PSAP: variants seen among roughly 807,000 people sequenced by gnomAD.
PSAP encodes prosaposin, also known as precursor of saposins.
Under a neutral mutation model 66.0 loss-of-function variants are expected in PSAP, and 25 were observed. That is an observed-to-expected ratio of 0.38 (90% CI 0.28 to 0.53). PSAP has a LOEUF of 0.53. Ranked by LOEUF, PSAP falls within the 20% of genes least tolerant of loss-of-function variation. The probability of loss-of-function intolerance (pLI) is 0.83; values close to 1 mark genes in which losing one functional copy is unlikely to be tolerated. For missense variants in PSAP, 649 were observed against 668.8 expected, an observed-to-expected ratio of 0.97 and a Z score of 0.33; for synonymous variants, 273 against 258.9, an observed-to-expected ratio of 1.05 and a Z score of -0.52.
At chr10:71,835,443 G>A (rs931065067) in intron 1 of PSAP, among the ~76,000 whole-genome samples, 3 of 151,790 alleles carry the variant, frequency 2.0e-5, no homozygotes, top group African/African-American at 4.8e-5. Context: ...ATGGTAGCAC[G>A]CACCTGTGAT....
rs778478309 is a variant in PSAP, at chr10:71,834,484, C to A, written c.62G>T (p.Gly21Val). ...CGAGCCCCTGGTGCATTCTTTCAGT[C>A]CAAGGACCGGGCCGGCTAGAGCTAA... ...LGAALAGPVL[G>V]LKECTRGSAV... Residue 21 changes from glycine (G) to valine (V), a missense_variant, in exon 2 of 14, where the codon GGA becomes GTA. Transcript: ENST00000394936. 4 of 1,613,948 alleles carry A rather than the reference C, an allele frequency of 2.5e-6. No individual in the cohort carries two copies. In the Admixed American group the frequency reaches 5.0e-5, roughly 20 times the overall value.
chr10:71,819,364 G>A (rs1165450259), intron 11 of PSAP, 101 bp downstream of exon 11: 7 of 1,528,280 alleles, frequency 4.6e-6, no homozygotes, highest in Non-Finnish European at 6.3e-6. Context: ...TCCATGCCCG[G>A]AGGCAGAAAC....
At chr10:71,819,213 T>G in intron 11 of PSAP, 102 bp from the exon 12 acceptor site, 1 of 1,147,612 alleles carries the variant, frequency 8.7e-7, no homozygotes, top group South Asian at 1.3e-5. Context: ...CCCTGAGAGC[T>G]CCTGGCATTC....
At chr10:71,838,602 G>A (rs1004742296) in intron 1 of PSAP, among the ~76,000 whole-genome samples, 3 of 152,076 alleles carry the variant, frequency 2.0e-5, no homozygotes, top group Admixed American at 6.5e-5. Context: ...AAAAGAGAAC[G>A]GATTAGCTGG....
chr10:71,833,091 C>A (rs545621262), intron 2 of PSAP, among the ~76,000 whole-genome samples: 3 of 150,076 alleles, frequency 2.0e-5, no homozygotes, highest in Non-Finnish European at 4.4e-5. Flanking sequence ...TTTTAAAGTC[C>A]TTACGGGACA....
At chr10:71,817,972 G>T (rs1842209630) in intron 13 of PSAP, among the ~76,000 whole-genome samples, 1 of 152,268 alleles carries the variant, frequency 6.6e-6, no homozygotes, top group Admixed American at 6.5e-5. Context: ...CCAGAATGGG[G>T]GCCCCCTGCC....
At chr10:71,835,793 A>G (rs1235136815) in intron 1 of PSAP, among the ~76,000 whole-genome samples, 1 of 148,244 alleles carries the variant, frequency 6.7e-6, no homozygotes, top group Admixed American at 6.8e-5. Flanking sequence ...CTTTTGCTGC[A>G]ATAGATACTT....
chr10:71,838,647 C>G (rs1013002333), intron 1 of PSAP, among the ~76,000 whole-genome samples: 2 of 152,062 alleles, frequency 1.3e-5, no homozygotes, highest in African/African-American at 4.8e-5. Context: ...TCCCAGCTAC[C>G]AAGGAGGCTG....
At chr10:71,827,824 C>T (rs1842424520) in intron 6 of PSAP, among the ~76,000 whole-genome samples, 190 bp downstream of exon 6, 1 of 152,128 alleles carries the variant, frequency 6.6e-6, no homozygotes, top group African/African-American at 2.4e-5. Flanking sequence ...GAAACAGTCT[C>T]CTACTTTTTG....
chr10:71,848,013 A>G (rs1230500815), intron 1 of PSAP, among the ~76,000 whole-genome samples: 3 of 152,220 alleles, frequency 2.0e-5, no homozygotes, highest in African/African-American at 4.8e-5. Flanking sequence ...AGCACCTGCC[A>G]CATCCCAGGC....
intron 1 of PSAP, among the ~76,000 whole-genome samples, chr10:71,842,317 T>C (rs1019803201): frequency 6.6e-6 from 1 of 152,220 alleles, no homozygotes; most frequent in Non-Finnish European, 1.5e-5. Flanking sequence ...AACAGGCTGC[T>C]CACTAAATAT....
In PSAP at chr10:71,817,646, C is replaced by CTTAAAAAAAAAAAAA. The variant is rs1248786076; in HGVS notation, c.1540-171_1540-170insTTTTTTTTTTTTTAA. Among the ~76,000 whole-genome samples, 3 of 152,342 alleles carry CTTAAAAAAAAAAAAA rather than the reference C, an allele frequency of 2.0e-5. No individual in the cohort carries two copies. In the South Asian group the frequency reaches 6.2e-4, roughly 32 times the overall value. On this transcript the variant is annotated intron_variant, in intron 13 of 13. Coordinates refer to ENST00000394936, the MANE Select transcript of PSAP (RefSeq NM_002778.4). ...CAGGATCTCACTTAAAAACAGGGAA[C>CTTAAAAAAAAAAAAA]ACGTGGCCATCAGAGTTTTGGGAAC...
At chr10:71,825,589 G>A in intron 7 of PSAP, 2 of 633,004 alleles carry the variant, frequency 3.2e-6, no homozygotes, top group Non-Finnish European at 5.8e-6. Context: ...ACGGGCAGAG[G>A]CAAACAAATT....
intron 1 of PSAP, among the ~76,000 whole-genome samples, chr10:71,835,834 A>C (rs1842613763): frequency 1.5e-5 from 2 of 134,272 alleles, no homozygotes; most frequent in African/African-American, 3.1e-5. Flanking sequence ...AAAAAAAAAA[A>C]AAAAACAAAA....
At chr10:71,827,485 G>T (rs533385354) in intron 6 of PSAP, among the ~76,000 whole-genome samples, 1 of 152,096 alleles carries the variant, frequency 6.6e-6, no homozygotes, top group East Asian at 1.9e-4. Context: ...CTAGCACTTT[G>T]GGAGGCTGAA....
At chr10:71,829,440 T>G (rs1842467733) in intron 4 of PSAP, among the ~76,000 whole-genome samples, 1 of 152,104 alleles carries the variant, frequency 6.6e-6, no homozygotes, top group South Asian at 2.1e-4. Context: ...TTAGTGATAG[T>G]AAGTCTCATG....
intron 5 of PSAP, 104 bp from the exon 6 acceptor site, chr10:71,828,261 G>T (rs569667729): frequency 8.2e-7 from 1 of 1,215,438 alleles, no homozygotes; most frequent in East Asian, 2.3e-5. Context: ...TTGCTGACCA[G>T]TTCCTAAGAT....
chr10:71,826,233 T>C (rs1369705785), intron 6 of PSAP, among the ~76,000 whole-genome samples: 1 of 152,236 alleles, frequency 6.6e-6, no homozygotes, highest in Non-Finnish European at 1.5e-5. Context: ...AGAAGGCAGC[T>C]AGGAGATACA....
At chr10:71,836,352 G>A (rs1357402140) in intron 1 of PSAP, among the ~76,000 whole-genome samples, 2 of 152,184 alleles carry the variant, frequency 1.3e-5, no homozygotes, top group African/African-American at 4.8e-5. Flanking sequence ...AATCTCAGGG[G>A]AGCGGTGGAG....
Sources: allele counts gnomAD v4.1 joint callset (sites outside exome capture counted in the v4.1 genomes callset), GRCh38; gene constraint gnomAD v4.1.1; transcripts MANE v1.5; gene names NCBI Gene and HGNC (gene_info 2026-07-23, HGNC 2026-07-21).